Variants in BOLL observed in about 807,000 individuals in gnomAD.
BOLL encodes the protein boule RNA binding protein, also known as protein boule-like.
A neutral mutation model predicts 44.4 loss-of-function variants in BOLL; 23 were observed. The observed-to-expected ratio is 0.52, with a 90% confidence interval of 0.37 to 0.73. The LOEUF is 0.73. Among genes scored for constraint, BOLL ranks in the 30% least tolerant of loss-of-function variants. The probability of loss-of-function intolerance (pLI) is 0.00; values close to 1 mark genes in which losing one functional copy is unlikely to be tolerated. For synonymous variants in BOLL, 97 were observed against 110.8 expected, an observed-to-expected ratio of 0.88 and a Z score of 0.78; for missense variants, 287 against 338.3, an observed-to-expected ratio of 0.85 and a Z score of 1.19.
intron 9 of BOLL, among the ~76,000 whole-genome samples, chr2:197,754,700 C>A (rs1688425053): frequency 6.6e-6 from 1 of 151,690 alleles, no homozygotes; most frequent in Non-Finnish European, 1.5e-5. Context: ...GGCGATGGAG[C>A]AAGACTCCGT....
At chr2:197,738,000 A>G (rs1188543270) in intron 10 of BOLL, among the ~76,000 whole-genome samples, 4 of 152,158 alleles carry the variant, frequency 2.6e-5, no homozygotes, top group Non-Finnish European at 5.9e-5. Context: ...TAATCCATAT[A>G]AGAACAATTT....
chr2:197,778,942 C>T (rs1689643020), intron 3 of BOLL, 33 bp downstream of exon 3: 4 of 1,551,512 alleles, frequency 2.6e-6, no homozygotes, highest in Non-Finnish European at 2.6e-6. Context: ...AATAGAGTTG[C>T]TAATTCCATA....
At chr2:197,746,015 G>A (rs1309209548) in intron 9 of BOLL, among the ~76,000 whole-genome samples, 1 of 152,156 alleles carries the variant, frequency 6.6e-6, no homozygotes, top group Non-Finnish European at 1.5e-5. Flanking sequence ...AATTTTTCTT[G>A]TCTACTATCT....
At chr2:197,759,718 C>T (rs1283230555) in intron 7 of BOLL, among the ~76,000 whole-genome samples, 1 of 152,174 alleles carries the variant, frequency 6.6e-6, no homozygotes, top group Admixed American at 6.5e-5. Flanking sequence ...ATCTGGCTGA[C>T]CTGCCCAGGG....
intron 2 of BOLL, among the ~76,000 whole-genome samples, chr2:197,780,925 T>C (rs186096642): frequency 8.5e-4 from 130 of 152,168 alleles, no homozygotes; most frequent in African/African-American, 3.0e-3. Flanking sequence ...GTGTTTACTC[T>C]TACCTCCCCT....
In BOLL at chr2:197,785,088, T is replaced by A. The variant is rs1169202640; in HGVS notation, c.-48A>T. ...GTCACTGCCTCGGCGCTCCTCCCCC[T>A]CCAAGGCCAGCAAGTTGCGGCACTG... is the stretch of plus-strand genomic sequence containing the variant. On this transcript the variant is annotated 5_prime_UTR_variant, in exon 1 of 11. Transcript: ENST00000392296. This position sits in a 1 kb window ranked among gnomAD's most constrained non-coding sequence, Gnocchi z 6.7. The A allele has an allele frequency of 1.0e-6, 1 of 985,814 alleles. No individual in the cohort carries two copies. The allele number at this position is 985,814 out of a possible 1,614,324, so 61.1% of individuals were successfully genotyped here.
chr2:197,744,477 G>C (rs1687904049), intron 9 of BOLL, among the ~76,000 whole-genome samples: 1 of 152,134 alleles, frequency 6.6e-6, no homozygotes, highest in African/African-American at 2.4e-5. Flanking sequence ...AAAAAGAAAG[G>C]AAAGTTTGTG....
upstream of BOLL, chr2:197,786,094 C>T (rs1690062950): frequency 1.3e-6 from 2 of 1,495,532 alleles, no homozygotes; most frequent in African/African-American, 2.8e-5. This position sits in a 1 kb window ranked among gnomAD's most constrained non-coding sequence, Gnocchi z 5.9. Flanking sequence ...GCTGCTTGTC[C>T]TGCCTGGGAC....
At chr2:197,733,684 C>T (rs1687325153) in intron 10 of BOLL, among the ~76,000 whole-genome samples, 1 of 152,096 alleles carries the variant, frequency 6.6e-6, no homozygotes, top group African/African-American at 2.4e-5. Flanking sequence ...TGATCTTTGA[C>T]AAGCCTGAGA....
In BOLL at chr2:197,728,579, CTGTT is replaced by C. The variant is rs769591438; in HGVS notation, c.829-5_829-2del. 4 of 1,596,572 alleles carry C rather than the reference CTGTT, an allele frequency of 2.5e-6. No homozygotes were observed. Among genetic ancestry groups the C allele is most frequent in the Non-Finnish European group, 2.6e-6 (3 of 1,165,644 alleles). On this transcript the variant is annotated splice_acceptor_variant and splice_polypyrimidine_tract_variant and intron_variant, in intron 10 of 10. Coordinates refer to ENST00000392296, the MANE Select transcript of BOLL (RefSeq NM_033030.6). LOFTEE classifies it high-confidence loss of function. The stretch of plus-strand genomic sequence containing the variant: ...CTTAATAATGAATGCTCCACACTGT[CTGTT>C]AAGTAAAGAGAAAATATAGATCAGG...
In BOLL at chr2:197,777,113, C is replaced by A; in HGVS notation, c.222G>T (p.Gly74=). 1 of 1,536,126 alleles carries A rather than the reference C, an allele frequency of 6.5e-7. No homozygotes were observed. The highest frequency in any genetic ancestry group is 8.9e-7 in the Non-Finnish European group (1 of 1,123,130). ...GTGTTTCAAAAGTGACGAAACCATA[C>A]CTAAATAAATGCATTAATTATTACT... ...IVNDRAGVSK[G]YGFVTFETQE... The change falls in exon 4 of 11, where the codon GGG becomes GGT. Residue 74 remains glycine, a splice_region_variant and synonymous_variant. Transcript: ENST00000392296.
rs1027926725 is a variant in BOLL at position 197,728,067 on chromosome 2, G to A, written c.*488C>T. ...ATGACAAAACAGCAAAGCAAAAATA[G>A]AATTGTCATTAATATTAAATAGTAT... On this transcript the variant is annotated 3_prime_UTR_variant, in exon 11 of 11. Transcript: ENST00000392296. The A allele has an allele frequency of 5.7e-5, 9 of 157,408 alleles. No homozygotes were observed. The highest frequency in any genetic ancestry group is 2.2e-4 in the African/African-American group (9 of 41,584). 9.8% of individuals were successfully genotyped at this position (157,408 alleles called of 1,614,324 possible).
At chr2:197,784,811 AG>A in intron 1 of BOLL, 1 of 987,596 alleles carries the variant, frequency 1.0e-6, no homozygotes, top group Non-Finnish European at 1.2e-6. Context: ...CGATGCATTG[AG>A]TTAAACAACA....
intron 6 of BOLL, among the ~76,000 whole-genome samples, chr2:197,769,491 T>C (rs1174636792): frequency 6.6e-6 from 1 of 152,108 alleles, no homozygotes; most frequent in African/African-American, 2.4e-5. Context: ...GTGTTGAAAG[T>C]TCTGGCCAGG....
chr2:197,749,983 G>A (rs569693325), intron 9 of BOLL, among the ~76,000 whole-genome samples: 3 of 152,020 alleles, frequency 2.0e-5, no homozygotes, highest in Non-Finnish European at 1.5e-5. Flanking sequence ...AGAGAGTAGC[G>A]GCCAATATTC....
chr2:197,766,561 T>C lies in BOLL; in HGVS notation c.523A>G (p.Ile175Val), dbSNP rs61642236. The change falls in exon 7 of 11, where the codon ATT becomes GTT. Residue 175 changes from isoleucine (I) to valine (V), a missense_variant. Transcript: ENST00000392296. ...CSSPVMVAQPIYQQPAYHYQA... is the reference protein window; with the variant it reads ...CSSPVMVAQPVYQQPAYHYQA... ...TAGTGATATGCAGGTTGCTGATAAATGGGCTGAGCTACCATCACAGGGGAG... is the reference window on the plus strand; with the variant it reads ...TAGTGATATGCAGGTTGCTGATAAACGGGCTGAGCTACCATCACAGGGGAG... 112 of 1,612,574 alleles carry C rather than the reference T, an allele frequency of 6.9e-5. No individual in the cohort carries two copies. In the Middle Eastern group the frequency reaches 1.5e-3, roughly 21 times the overall value.
intron 1 of BOLL, among the ~76,000 whole-genome samples, chr2:197,784,403 T>C (rs1312835363): frequency 2.4e-3 from 33 of 13,924 alleles, no homozygotes; most frequent in African/African-American, 6.6e-3. Flanking sequence ...TATATATATA[T>C]ATATATATAT....
At chr2:197,728,943 G>A (rs760783290) in intron 10 of BOLL, among the ~76,000 whole-genome samples, 3 of 152,152 alleles carry the variant, frequency 2.0e-5, no homozygotes, top group African/African-American at 4.8e-5. Flanking sequence ...TTGGCAGGAG[G>A]CTATTTAGAA....
chr2:197,761,123 C>T (rs1226104309), intron 7 of BOLL, among the ~76,000 whole-genome samples: 1 of 152,030 alleles, frequency 6.6e-6, no homozygotes, highest in Non-Finnish European at 1.5e-5. Flanking sequence ...GAATTTGAGA[C>T]CAGCCTGGGC....
Sources: gnomAD v4.1 joint callset for allele counts (sites outside exome capture counted in the v4.1 genomes callset) on GRCh38, gnomAD v4.1.1 for gene constraint, Gnocchi (gnomAD v3.1) non-coding constraint, MANE v1.5 for transcripts, NCBI Gene and HGNC (gene_info 2026-07-23, HGNC 2026-07-21) for gene names.